ULK4: variants seen among roughly 807,000 people sequenced by gnomAD.
ULK4 encodes the protein unc-51 like kinase 4.
Under a neutral mutation model 160.6 loss-of-function variants are expected in ULK4, and 133 were observed. The observed-to-expected ratio is 0.83, with a 90% CI of 0.72 to 0.96. The LOEUF (loss-of-function observed/expected upper bound fraction) is 0.96. Among genes scored for constraint, ULK4 ranks in the 40% least tolerant of loss-of-function variants. ULK4 has a pLI of 0.00. For synonymous variants in ULK4, 534 were observed against 539.8 expected, an observed-to-expected ratio of 0.99 and a Z score of 0.15; for missense variants, 1,580 against 1,499.5, an observed-to-expected ratio of 1.05 and a Z score of -0.89.
chr3:41,846,794 G>C (rs1379050770), intron 17 of ULK4, among the ~76,000 whole-genome samples: 4 of 131,518 alleles, frequency 3.0e-5, no homozygotes, highest in Admixed American at 2.3e-4. Flanking sequence ...GACAGAGCGA[G>C]ACTCTCTCTC....
intron 21 of ULK4, among the ~76,000 whole-genome samples, chr3:41,775,610 G>C (rs1181588886): frequency 1.9e-4 from 28 of 150,392 alleles, no homozygotes. Context: ...TGTTGGCCAG[G>C]CTGGTCTTGA....
intron 31 of ULK4, among the ~76,000 whole-genome samples, chr3:41,585,417 A>G (rs1466248778): frequency 6.6e-6 from 1 of 152,218 alleles, no homozygotes; most frequent in Admixed American, 6.5e-5. Context: ...CAATGGGAAA[A>G]TGAGATACTC....
At chr3:41,767,144 G>A (rs980247571) in intron 21 of ULK4, among the ~76,000 whole-genome samples, 4 of 152,140 alleles carry the variant, frequency 2.6e-5, no homozygotes, top group Non-Finnish European at 5.9e-5. Context: ...ATTTTGTTTA[G>A]TGAATGATTT....
At chr3:41,247,454 CT>C (rs1462751515) in intron 36 of ULK4, among the ~76,000 whole-genome samples, 12 of 152,180 alleles carry the variant, frequency 7.9e-5, no homozygotes, top group Non-Finnish European at 1.5e-4. Context: ...AAAACGGGAA[CT>C]TTTTTACTGG....
intron 34 of ULK4, among the ~76,000 whole-genome samples, chr3:41,449,262 T>C (rs1414409643): frequency 6.6e-6 from 1 of 152,000 alleles, no homozygotes; most frequent in Non-Finnish European, 1.5e-5. Flanking sequence ...CAGGTCTCAC[T>C]ATGTTGCCCA....
intron 35 of ULK4, among the ~76,000 whole-genome samples, chr3:41,337,327 A>G (rs552150654): frequency 6.6e-6 from 1 of 152,292 alleles, no homozygotes; most frequent in African/African-American, 2.4e-5. Flanking sequence ...GGTTGGGATG[A>G]GAGAGGAATG....
At chr3:41,807,463 T>C (rs2040683163) in intron 19 of ULK4, among the ~76,000 whole-genome samples, 1 of 152,190 alleles carries the variant, frequency 6.6e-6, no homozygotes, top group African/African-American at 2.4e-5. Flanking sequence ...CAGAAGATAT[T>C]GAGTAATGTC....
At chr3:41,683,458 G>A (rs919916343) in intron 27 of ULK4, among the ~76,000 whole-genome samples, 2 of 151,670 alleles carry the variant, frequency 1.3e-5, no homozygotes, top group African/African-American at 2.4e-5. Context: ...ACAGCTGGAC[G>A]TGACCCCTCC....
intron 22 of ULK4, among the ~76,000 whole-genome samples, chr3:41,738,953 C>T (rs998876858): frequency 6.6e-6 from 1 of 151,836 alleles, no homozygotes. Context: ...GCAAATGGAG[C>T]CCCAGGGAAG....
chr3:41,335,998 A>G (rs962706994), intron 35 of ULK4, among the ~76,000 whole-genome samples: 1 of 152,214 alleles, frequency 6.6e-6, no homozygotes, highest in African/African-American at 2.4e-5. Context: ...TCTGAAAAAT[A>G]CAGGGATATT....
chr3:41,917,388 C>T (rs972873168), intron 7 of ULK4, among the ~76,000 whole-genome samples: 1 of 152,048 alleles, frequency 6.6e-6, no homozygotes, highest in African/African-American at 2.4e-5. Flanking sequence ...CCTATAGTCC[C>T]GGCTACTTGG....
At position 41,655,818 on chromosome 3, in the gene ULK4, T is replaced by C. The variant is rs889399278; in HGVS notation, c.3071+7789A>G. 4.6e-5 allele frequency among the ~76,000 whole-genome samples: 7 copies of C among 152,312 alleles called. No homozygotes were observed. The East Asian group carries it at 9.6e-4, about 21-fold the overall frequency. Reference sequence around the variant, plus strand: ...CTTAAATGGCTTATTTTAACAACAGTTTAACAAATATCTCAAACATCTCTG... The same window carrying C: ...CTTAAATGGCTTATTTTAACAACAGCTTAACAAATATCTCAAACATCTCTG... On this transcript the variant is annotated intron_variant, in intron 30 of 36. Transcript: ENST00000301831.
rs866293058 is a variant in ULK4 at position 41,481,741 on chromosome 3, G to A, written c.3227-18488C>T. ...ACTTGGGAGGCTGAGGCAGGAGAATGGCGTGAACCCGGGAGGCGGAGCTTG... is the reference window on the plus strand; with the variant it reads ...ACTTGGGAGGCTGAGGCAGGAGAATAGCGTGAACCCGGGAGGCGGAGCTTG... On this transcript the variant is annotated intron_variant, in intron 32 of 36. Coordinates refer to ENST00000301831, the MANE Select transcript of ULK4 (RefSeq NM_017886.4). 1.5e-3 allele frequency among the ~76,000 whole-genome samples: 230 copies of A among 148,876 alleles called. 1 individual carries two copies. Among genetic ancestry groups the A allele is most frequent in the Middle Eastern group, 3.5e-3 (1 of 288 alleles).
rs373269629 is a variant in ULK4, at chr3:41,439,849, G to A, written c.3492+15648C>T. On this transcript the variant is annotated intron_variant, in intron 34 of 36. Coordinates refer to ENST00000301831, the MANE Select transcript of ULK4 (RefSeq NM_017886.4). ...CATCTTAACAATATTGAGCCTTCCC[G>A]CTCCTGAACCAGGTATATCTCTCCA... Among the ~76,000 whole-genome samples the A allele has an allele frequency of 1.2e-4, 18 of 152,214 alleles. 1 individual carries two copies. The South Asian group carries it at 1.7e-3, about 14-fold the overall frequency.
At chr3:41,594,002 A>G (rs538288084) in intron 31 of ULK4, among the ~76,000 whole-genome samples, 59 of 151,962 alleles carry the variant, frequency 3.9e-4, no homozygotes, top group Non-Finnish European at 7.9e-4. Flanking sequence ...CTGAGGGAGC[A>G]CCACTGCACT....
At chr3:41,820,134 A>C (rs1010764258) in intron 18 of ULK4, among the ~76,000 whole-genome samples, 1 of 152,192 alleles carries the variant, frequency 6.6e-6, no homozygotes, top group Non-Finnish European at 1.5e-5. Context: ...AAAGATGAAA[A>C]AAACTAATTT....
At chr3:41,866,420 A>T (rs902082391) in intron 17 of ULK4, among the ~76,000 whole-genome samples, 1 of 152,214 alleles carries the variant, frequency 6.6e-6, no homozygotes, top group African/African-American at 2.4e-5. Context: ...TGGTTTTGGG[A>T]TGAAACTGTA....
At chr3:41,860,367 G>A (rs1233815872) in intron 17 of ULK4, among the ~76,000 whole-genome samples, 1 of 151,970 alleles carries the variant, frequency 6.6e-6, no homozygotes, top group Non-Finnish European at 1.5e-5. Context: ...CTCTCTTTAG[G>A]TCTAATAATA....
At chr3:41,942,273 C>T (rs750345981) in intron 2 of ULK4, among the ~76,000 whole-genome samples, 23 of 152,226 alleles carry the variant, frequency 1.5e-4, no homozygotes, top group Admixed American at 1.2e-3. Flanking sequence ...AAACCCAACA[C>T]TTTGGGAGGC....
Sources: gnomAD v4.1 joint callset for allele counts (sites outside exome capture counted in the v4.1 genomes callset) on GRCh38, gnomAD v4.1.1 for gene constraint, MANE v1.5 for transcripts, NCBI Gene and HGNC (gene_info 2026-07-23, HGNC 2026-07-21) for gene names.